The following HADH variants were observed in gnomAD, a reference collection of about 807,000 sequenced individuals.
HADH encodes the protein hydroxyacyl-CoA dehydrogenase.
Under a neutral mutation model 32.2 loss-of-function variants are expected in HADH, and 24 were observed. That is an observed-to-expected ratio of 0.75 (90% confidence interval 0.54 to 1.05). HADH has a LOEUF of 1.05. Among genes scored for constraint, HADH ranks in the 50% least tolerant of loss-of-function variants. The pLI is 0.00. For synonymous variants in HADH, 139 were observed against 152.5 expected (o/e 0.91, Z 0.65); for missense variants, 350 against 397.1 (o/e 0.88, Z 1.01).
At chr4:108,025,488 T>C (rs571357072) in intron 5 of HADH, 14 of 152,290 alleles carry the variant, frequency 9.2e-5, no homozygotes, top group Admixed American at 3.3e-4. Context: ...TTTTAAAGTA[T>C]TTAGAACAGT....
chr4:108,016,408 C>T (rs867850899), intron 3 of HADH, among the ~76,000 whole-genome samples: 53 of 152,210 alleles, frequency 3.5e-4, no homozygotes, highest in Admixed American at 1.6e-3. Context: ...GCCTTTCTGT[C>T]ATCTGTCCAT....
chr4:107,994,145 T>C (rs1734890738), intron 1 of HADH, among the ~76,000 whole-genome samples: 2 of 152,278 alleles, frequency 1.3e-5, no homozygotes, highest in African/African-American at 4.8e-5. Flanking sequence ...GGTGCAACCT[T>C]CTTTTTAGTG....
At position 108,003,824 on chromosome 4, in the gene HADH, A is replaced by C. The variant is rs199977341; in HGVS notation, c.133-5935A>C. On this transcript the variant is annotated intron_variant, in intron 1 of 7. Coordinates refer to ENST00000309522, the MANE Select transcript of HADH (RefSeq NM_005327.7). ...GCAGCCCAGAATTAAAAAAAAAAAA[A>C]AACAAAAAAAAAACCCGCAAGCTAT... Among the ~76,000 whole-genome samples, 6 of 121,962 alleles carry C rather than the reference A, an allele frequency of 4.9e-5. No individual in the cohort carries two copies. In the South Asian group the frequency reaches 1.4e-3, roughly 28 times the overall value. The allele number at this position is 121,962 out of a possible 152,430, so 80.0% of individuals were successfully genotyped here.
chr4:107,997,414 G>A (rs1347567315), intron 1 of HADH, among the ~76,000 whole-genome samples: 2 of 152,104 alleles, frequency 1.3e-5, no homozygotes, highest in African/African-American at 2.4e-5. Flanking sequence ...GTTGTGCTTC[G>A]GAGAAAGCTG....
At chr4:108,005,208 CT>C in intron 1 of HADH, 1 of 235,216 alleles carries the variant, frequency 4.3e-6, no homozygotes, top group Admixed American at 5.1e-5. Flanking sequence ...TAAAATTTGC[CT>C]TTTTTTGGAT....
intron 3 of HADH, among the ~76,000 whole-genome samples, chr4:108,015,222 G>C (rs547390757): frequency 1.3e-5 from 2 of 152,274 alleles, no homozygotes; most frequent in Admixed American, 6.5e-5. Flanking sequence ...TTTCCTTAAA[G>C]GTTGTACTAA....
chr4:107,999,924 GTATA>G (rs570302502), intron 1 of HADH, among the ~76,000 whole-genome samples: 113 of 152,248 alleles, frequency 7.4e-4, no homozygotes, highest in African/African-American at 2.6e-3. Context: ...CATATAGTGT[GTATA>G]TATATCTTAT....
intron 6 of HADH, chr4:108,032,378 G>T (rs756759336): frequency 6.3e-7 from 1 of 1,591,672 alleles, no homozygotes; most frequent in African/African-American, 1.3e-5. Context: ...TCTTTAAAAG[G>T]TATCTTGACT....
At chr4:108,004,454 A>G in intron 1 of HADH, 1 of 365,868 alleles carries the variant, frequency 2.7e-6, no homozygotes. Context: ...CCCAAACTGT[A>G]CAAAGGCTTC....
chr4:108,005,709 TAAATA>T (rs1735273376), intron 1 of HADH, among the ~76,000 whole-genome samples: 1 of 152,196 alleles, frequency 6.6e-6, no homozygotes, highest in Non-Finnish European at 1.5e-5. Context: ...GAGAACTGAT[TAAATA>T]AAATTAAATG....
At chr4:108,006,343 T>C (rs1360380852) in intron 1 of HADH, among the ~76,000 whole-genome samples, 1 of 152,098 alleles carries the variant, frequency 6.6e-6, no homozygotes, top group Non-Finnish European at 1.5e-5. Flanking sequence ...GGGATAGGGA[T>C]CAGAGCCGAC....
chr4:108,013,997 T>C (rs1256169145), intron 2 of HADH, among the ~76,000 whole-genome samples: 2 of 152,166 alleles, frequency 1.3e-5, no homozygotes, highest in Admixed American at 6.5e-5. Flanking sequence ...CATCTCCAAT[T>C]CTGTCCTTAT....
At chr4:108,000,634 A>G (rs1735094323) in intron 1 of HADH, among the ~76,000 whole-genome samples, 1 of 152,234 alleles carries the variant, frequency 6.6e-6, no homozygotes, top group Non-Finnish European at 1.5e-5. Flanking sequence ...GAGGCACAAA[A>G]GAAGTGATTA....
At chr4:108,019,728 C>A in intron 4 of HADH, 62 bp downstream of exon 4, 1 of 1,598,274 alleles carries the variant, frequency 6.3e-7, no homozygotes, top group South Asian at 1.1e-5. Flanking sequence ...TCCTGCTTTT[C>A]TGTGTTACAC....
intron 6 of HADH, 84 bp downstream of exon 6, chr4:108,027,844 C>T (rs946638505): frequency 1.1e-5 from 9 of 833,788 alleles, no homozygotes; most frequent in East Asian, 2.4e-5. Context: ...TAGGAGGGGT[C>T]GGGCCGTGCA....
chr4:108,008,316 G>A (rs140656385), intron 1 of HADH, among the ~76,000 whole-genome samples: 21 of 152,270 alleles, frequency 1.4e-4, no homozygotes, highest in Non-Finnish European at 2.6e-4. Flanking sequence ...TCCTGGGAGC[G>A]TTTTCATGCC....
intron 1 of HADH, among the ~76,000 whole-genome samples, chr4:107,997,737 A>G (rs1734997934): frequency 6.6e-6 from 1 of 152,030 alleles, no homozygotes; most frequent in South Asian, 2.1e-4. Context: ...ATGAGTTCTC[A>G]ATGGATTGAT....
At position 108,022,605 on chromosome 4, in the gene HADH, G is replaced by C. The variant is rs569287866; in HGVS notation, c.547-869G>C. Among the ~76,000 whole-genome samples the C allele has an allele frequency of 2.0e-4, 30 of 152,266 alleles. No individual in the cohort carries two copies. The South Asian group carries it at 6.2e-3, about 32-fold the overall frequency. On this transcript the variant is annotated intron_variant, in intron 4 of 7. Transcript: ENST00000309522. ...GGAATCCAGGAGAACTGTCACTTGGGCAAATTACTCACTTTCCTGGGGCTC... is the reference window on the plus strand; with the variant it reads ...GGAATCCAGGAGAACTGTCACTTGGCCAAATTACTCACTTTCCTGGGGCTC...
chr4:108,001,643 A>G (rs1055060799), intron 1 of HADH, among the ~76,000 whole-genome samples: 1 of 152,148 alleles, frequency 6.6e-6, no homozygotes, highest in African/African-American at 2.4e-5. Context: ...AATCCTATAC[A>G]TACTATGTCT....
Sources: allele counts gnomAD v4.1 joint callset (sites outside exome capture counted in the v4.1 genomes callset), GRCh38; gene constraint gnomAD v4.1.1; transcripts MANE v1.5; gene names NCBI Gene and HGNC (gene_info 2026-07-23, HGNC 2026-07-21).